NPFFR1: variants seen among roughly 807,000 people sequenced by gnomAD.
NPFFR1 encodes G-protein coupled receptor 147.
In NPFFR1, 17 loss-of-function variants were observed where a neutral mutation model predicts 12.7. The ratio of observed to expected loss-of-function variants is 1.34; its 90% CI spans 0.92 to 2.01. The LOEUF (loss-of-function observed/expected upper bound fraction) is 2.01, where lower values mean the gene tolerates loss of function less well. NPFFR1 is among the 30% of genes most tolerant of loss of function. The probability of loss-of-function intolerance (pLI) is 0.00; values close to 1 mark genes in which losing one functional copy is unlikely to be tolerated. For missense variants in NPFFR1, 604 were observed against 606.5 expected, an observed-to-expected ratio of 1.00 and a Z score of 0.04; for synonymous variants, 296 against 264.5, an observed-to-expected ratio of 1.12 and a Z score of -1.16.
Position 70,255,031 on chromosome 10 carries a change from C to A in NPFFR1, c.1219G>T (p.Ala407Ser), listed in dbSNP as rs1255488608. ...CCTTCCCTGGGCAAGCCGTGGTGAG[C>A]CACCCGCCCATTCCGCAGCGGGAGG... ...GRLPLRNGRV[A>S]HHGLPREGPG... Residue 407 changes from alanine to serine, a missense_variant, in exon 4 of 4, where the codon GCT becomes TCT. By Grantham distance (99) the Ala-to-Ser change is moderately conservative. Transcript: ENST00000277942. This position sits in a 1 kb window ranked among gnomAD's most constrained non-coding sequence, Gnocchi z 4.2. 3 of 1,439,764 alleles carry A rather than the reference C, an allele frequency of 2.1e-6. No homozygotes were observed. Among genetic ancestry groups the A allele is most frequent in the Non-Finnish European group, 1.8e-6 (2 of 1,103,688 alleles). 89.2% of individuals were successfully genotyped at this position (1,439,764 alleles called of 1,614,324 possible).
At chr10:70,282,140 G>A (rs1281790204) in intron 1 of NPFFR1, among the ~76,000 whole-genome samples, 4 of 152,180 alleles carry the variant, frequency 2.6e-5, no homozygotes, top group East Asian at 1.9e-4. Context: ...GATGTCATAT[G>A]TCTGGGCTTC....
At chr10:70,265,209 C>A (rs1840677331) in intron 2 of NPFFR1, among the ~76,000 whole-genome samples, 1 of 152,200 alleles carries the variant, frequency 6.6e-6, no homozygotes, top group Non-Finnish European at 1.5e-5. Flanking sequence ...AGTGAAGTCA[C>A]TCTGAATAGG....
intron 1 of NPFFR1, among the ~76,000 whole-genome samples, chr10:70,268,274 A>G (rs902719647): frequency 6.6e-5 from 10 of 152,238 alleles, no homozygotes; most frequent in Admixed American, 1.3e-4. Context: ...CAAAAAAACA[A>G]CATGAAAAAA....
chr10:70,254,755 G>C lies in NPFFR1; in HGVS notation c.*202C>G. On this transcript the variant is annotated 3_prime_UTR_variant, in exon 4 of 4. Transcript: ENST00000277942. ...TCAAGCCCACCACACAGGGCAAGTT[G>C]GTTCCTTCCCGTCCCCCGCATTTGC... 2.0e-6 allele frequency: 1 copy of C among 491,718 alleles called. No homozygotes were observed. Among genetic ancestry groups the C allele is most frequent in the Non-Finnish European group, 3.3e-6 (1 of 304,380 alleles). 30.5% of individuals were successfully genotyped at this position (491,718 alleles called of 1,614,324 possible). A position where few individuals can be genotyped will look rare whatever the true frequency, so the allele number is the denominator to read the frequency against.
rs1840685740 is a variant in NPFFR1 at position 70,266,086 on chromosome 10, G to C, written c.313C>G (p.Leu105Val). ...FCMPTTLVDN[L>V]ITGWPFDNAT... ...AACTGCCCGCACTCACCAGTGATGA[G>C]GTTGTCCACAAGGGTGGTGGGCATG... Residue 105 changes from leucine (L) to valine (V), a missense_variant, in exon 2 of 4, where the codon CTC becomes GTC. Physicochemically the swap from Leu to Val is conservative, Grantham distance 32 (BLOSUM62 1). Transcript: ENST00000277942. The C allele has an allele frequency of 1.2e-6, 2 of 1,613,794 alleles. No individual in the cohort carries two copies. The highest frequency in any genetic ancestry group is 1.7e-6 in the Non-Finnish European group (2 of 1,179,766).
At chr10:70,257,726 C>T (rs34143640) in intron 3 of NPFFR1, among the ~76,000 whole-genome samples, 4,850 of 152,326 alleles carry the variant, frequency 0.032, 106 homozygotes, top group Middle Eastern at 0.051. Context: ...CTGCCTGCCC[C>T]TGGGAACTGA....
chr10:70,276,279 C>T (rs1203309625), intron 1 of NPFFR1, among the ~76,000 whole-genome samples: 1 of 152,128 alleles, frequency 6.6e-6, no homozygotes, highest in African/African-American at 2.4e-5. Context: ...ACACCTAACC[C>T]CTTTGAGATC....
intron 1 of NPFFR1, among the ~76,000 whole-genome samples, chr10:70,268,893 G>A (rs928248619): frequency 1.3e-5 from 2 of 152,152 alleles, no homozygotes; most frequent in African/African-American, 2.4e-5. Context: ...GAAGAGGTGT[G>A]GACATGGAAG....
At chr10:70,270,665 CA>C (rs1459509547) in intron 1 of NPFFR1, among the ~76,000 whole-genome samples, 1 of 152,172 alleles carries the variant, frequency 6.6e-6, no homozygotes, top group Non-Finnish European at 1.5e-5. Context: ...AACTCCTTCC[CA>C]TTCCTGGCAA....
At position 70,252,770 on chromosome 10, in the gene NPFFR1, G is replaced by A. The variant is rs536557286; in HGVS notation, c.*2187C>T. 3 of 152,310 alleles carry A rather than the reference G, an allele frequency of 2.0e-5. 1 individual carries two copies. The highest frequency in any genetic ancestry group is 4.1e-4 in the South Asian group (2 of 4,826). The allele number at this position is 152,310 out of a possible 1,614,324, so 9.4% of individuals were successfully genotyped here. A position where few individuals can be genotyped will look rare whatever the true frequency, so the allele number is the denominator to read the frequency against. On this transcript the variant is annotated 3_prime_UTR_variant, in exon 4 of 4. Transcript: ENST00000277942. ...AACCTTTCAAAGCATGACATCTTTT[G>A]GGGGAAGACAAAGGGGCTGTGATGG...
chr10:70,263,526 G>A (rs552957915), intron 2 of NPFFR1, among the ~76,000 whole-genome samples: 173 of 152,172 alleles, frequency 1.1e-3, no homozygotes, highest in African/African-American at 4.1e-3. Context: ...ACCCGCCTTG[G>A]CCTCCCAAAG....
intron 3 of NPFFR1, among the ~76,000 whole-genome samples, chr10:70,256,227 C>CG (rs1564593168): frequency 6.6e-6 from 1 of 152,058 alleles, no homozygotes; most frequent in Non-Finnish European, 1.5e-5. Context: ...CACAGGAATG[C>CG]GCTGCCACCT....
In NPFFR1 at chr10:70,252,622, A is replaced by G. The variant is rs546735609; in HGVS notation, c.*2335T>C. On this transcript the variant is annotated 3_prime_UTR_variant, in exon 4 of 4. Coordinates refer to ENST00000277942, the MANE Select transcript of NPFFR1 (RefSeq NM_022146.5). ...TCATTAAAGCATTGTCATGCCTGTT[A>G]TCACTCAGATCTGAATGGGCAGGTA... is the stretch of plus-strand genomic sequence containing the variant. 6.6e-6 allele frequency: 1 copy of G among 152,252 alleles called. No individual in the cohort carries two copies. The highest frequency in any genetic ancestry group is 2.1e-4 in the South Asian group (1 of 4,836). The allele number at this position is 152,252 out of a possible 1,614,324, so 9.4% of individuals were successfully genotyped here.
chr10:70,281,637 C>A (rs1840863573), intron 1 of NPFFR1, among the ~76,000 whole-genome samples: 1 of 152,178 alleles, frequency 6.6e-6, no homozygotes, highest in Admixed American at 6.5e-5. Context: ...GGGGATCACA[C>A]TACACATGCA....
chr10:70,248,635 G>C lies in NPFFR1; in HGVS notation c.*6322C>G, dbSNP rs1377594102. On this transcript the variant is annotated 3_prime_UTR_variant, in exon 4 of 4. Coordinates refer to ENST00000277942, the MANE Select transcript of NPFFR1 (RefSeq NM_022146.5). Reference sequence around the variant, plus strand: ...CAAGTAGCTGGGATTACAGGTGCCTGCCATCATGCTTGGCTAATTTTTGTA... The same window carrying C: ...CAAGTAGCTGGGATTACAGGTGCCTCCCATCATGCTTGGCTAATTTTTGTA... 1.3e-5 allele frequency: 2 copies of C among 151,704 alleles called. No homozygotes were observed. Among genetic ancestry groups the C allele is most frequent in the Non-Finnish European group, 2.9e-5 (2 of 67,958 alleles). The allele number at this position is 151,704 out of a possible 1,614,324, so 9.4% of individuals were successfully genotyped here.
At chr10:70,273,672 G>A (rs1038101958) in intron 1 of NPFFR1, among the ~76,000 whole-genome samples, 31 of 152,254 alleles carry the variant, frequency 2.0e-4, no homozygotes, top group Admixed American at 6.5e-4. Flanking sequence ...TGCACCAACC[G>A]CTGGCCAGAG....
In NPFFR1 at chr10:70,251,425, TGC is replaced by T. The variant is rs879714228; in HGVS notation, c.*3530_*3531del. 3.9e-5 allele frequency: 6 copies of T among 152,852 alleles called. No individual in the cohort carries two copies. Among genetic ancestry groups the T allele is most frequent in the African/African-American group, 1.2e-4 (5 of 41,482 alleles). 9.5% of individuals were successfully genotyped at this position (152,852 alleles called of 1,614,324 possible). A position where few individuals can be genotyped will look rare whatever the true frequency, so the allele number is the denominator to read the frequency against. On this transcript the variant is annotated 3_prime_UTR_variant, in exon 4 of 4. Coordinates refer to ENST00000277942, the MANE Select transcript of NPFFR1 (RefSeq NM_022146.5). ...GCTGGGCAGACTGTGGTTTGTGGGG[TGC>T]AGGCCCGGCATCCGCCTCCAGCTCA...
At chr10:70,272,095 C>T (rs1009921386) in intron 1 of NPFFR1, among the ~76,000 whole-genome samples, 6 of 139,742 alleles carry the variant, frequency 4.3e-5, no homozygotes, top group East Asian at 2.1e-4. Context: ...CCAGCCTGGG[C>T]GACAGAGCGA....
Position 70,255,917 on chromosome 10 carries a change from A to C in NPFFR1, c.423-90T>G. 7.2e-7 allele frequency: 1 copy of C among 1,381,722 alleles called. No homozygotes were observed. Among genetic ancestry groups the C allele is most frequent in the Non-Finnish European group, 9.8e-7 (1 of 1,016,166 alleles). 85.6% of individuals were successfully genotyped at this position (1,381,722 alleles called of 1,614,324 possible). On this transcript the variant is annotated intron_variant, in intron 3 of 3. Coordinates refer to ENST00000277942, the MANE Select transcript of NPFFR1 (RefSeq NM_022146.5). The surrounding 1 kb of genome is among the most constrained non-coding windows in gnomAD (Gnocchi z 4.2). ...GGTGGGATGCGGGCACCTGACCTTC[A>C]TCATCGCATCTAGGGCGGCGTCGAA...
Sources: gnomAD v4.1 joint callset for allele counts (sites outside exome capture counted in the v4.1 genomes callset) on GRCh38, gnomAD v4.1.1 for gene constraint, Gnocchi (gnomAD v3.1) non-coding constraint, MANE v1.5 for transcripts, NCBI Gene and HGNC (gene_info 2026-07-23, HGNC 2026-07-21) for gene names.